Variants in CRYBA4 observed in about 807,000 individuals in gnomAD.
CRYBA4 encodes the protein crystallin beta A4, also known as beta-crystallin A4.
Under a neutral mutation model 31.7 loss-of-function variants are expected in CRYBA4, and 30 were observed. The observed-to-expected ratio is 0.95, with a 90% CI of 0.71 to 1.28. The LOEUF is 1.28. Among genes scored for constraint, CRYBA4 ranks in the 50% most tolerant of loss-of-function variants. CRYBA4 has a pLI of 0.00. For synonymous variants in CRYBA4, 102 were observed against 102.3 expected (o/e 1.00, Z 0.02); for missense variants, 225 against 260.7 (o/e 0.86, Z 0.94).
At chr22:26,629,749 A>AAAAAAAAAAAAAAAAT in intron 5 of CRYBA4, among the ~76,000 whole-genome samples, 1 of 151,144 alleles carries the variant, frequency 6.6e-6, no homozygotes, top group Non-Finnish European at 1.5e-5. Context: ...AAAAAAAAAA[A>AAAAAAAAAAAAAAAAT]AAAAAAATCA....
the CRYBA4 span, among the ~76,000 whole-genome samples, chr22:26,591,964 C>T: frequency 6.6e-6 from 1 of 150,940 alleles, no homozygotes; most frequent in South Asian, 2.1e-4. Context: ...GTAATTTGCC[C>T]ATGGCCAGCC....
chr22:26,615,208 A>G, the CRYBA4 span, among the ~76,000 whole-genome samples: 2 of 152,228 alleles, frequency 1.3e-5, no homozygotes, highest in Non-Finnish European at 2.9e-5. Flanking sequence ...GGTTGAAACC[A>G]CACCAAACCA....
chr22:26,601,426 C>A, the CRYBA4 span, among the ~76,000 whole-genome samples: 1 of 152,012 alleles, frequency 6.6e-6, no homozygotes, highest in African/African-American at 2.4e-5. Context: ...TAGGCTCACT[C>A]GAGTTCCTCA....
the CRYBA4 span, among the ~76,000 whole-genome samples, chr22:26,615,904 G>A: frequency 6.6e-6 from 1 of 152,318 alleles, no homozygotes; most frequent in East Asian, 1.9e-4. Flanking sequence ...GAGGAGGGAG[G>A]AGGAGGCCAA....
the CRYBA4 span, among the ~76,000 whole-genome samples, chr22:26,593,162 C>T: frequency 6.6e-6 from 1 of 152,232 alleles, no homozygotes; most frequent in Non-Finnish European, 1.5e-5. Flanking sequence ...GATACCTCTT[C>T]TGTCTTCCTC....
chr22:26,597,288 A>G, the CRYBA4 span, among the ~76,000 whole-genome samples: 3 of 152,160 alleles, frequency 2.0e-5, no homozygotes, highest in African/African-American at 7.2e-5. Context: ...GGGGCCCACC[A>G]CAACTCTCTC....
chr22:26,601,190 AC>A, the CRYBA4 span, among the ~76,000 whole-genome samples: 3 of 152,158 alleles, frequency 2.0e-5, no homozygotes, highest in Non-Finnish European at 4.4e-5. Flanking sequence ...CCTTACGTTT[AC>A]CTAGAGGAGA....
the CRYBA4 span, among the ~76,000 whole-genome samples, chr22:26,592,303 A>G: frequency 6.6e-6 from 1 of 152,224 alleles, no homozygotes. Flanking sequence ...TGAGCTCTCT[A>G]TGCTAGGCAC....
intron 3 of CRYBA4, 117 bp downstream of exon 3, chr22:26,623,469 C>G: frequency 1.3e-6 from 1 of 794,848 alleles, no homozygotes; most frequent in East Asian, 2.5e-5. Context: ...ACTGTTGTGC[C>G]CTCCTGAAGT....
chr22:26,593,373 C>T, the CRYBA4 span, among the ~76,000 whole-genome samples: 4 of 152,068 alleles, frequency 2.6e-5, no homozygotes. Context: ...CTCAATGGCT[C>T]ACTCCTGTAA....
At chr22:26,623,824 CAG>C (rs1238937172) in intron 3 of CRYBA4, among the ~76,000 whole-genome samples, 4 of 151,164 alleles carry the variant, frequency 2.6e-5, no homozygotes, top group Admixed American at 6.6e-5. Flanking sequence ...TAGTGAGACA[CAG>C]AGAGGTGTTA....
chr22:26,612,750 G>C, the CRYBA4 span, among the ~76,000 whole-genome samples: 227 of 152,280 alleles, frequency 1.5e-3, 1 homozygote, highest in African/African-American at 5.0e-3. Flanking sequence ...TGCCTGGAAT[G>C]CCTTCTCCAC....
chr22:26,612,828 T>G, the CRYBA4 span, among the ~76,000 whole-genome samples: 1 of 152,222 alleles, frequency 6.6e-6, no homozygotes, highest in East Asian at 1.9e-4. Context: ...CAGCTCGTTA[T>G]TCTGTTTTAG....
upstream of CRYBA4, among the ~76,000 whole-genome samples, chr22:26,619,357 C>T (rs960541315): frequency 2.6e-5 from 4 of 152,112 alleles, no homozygotes; most frequent in Non-Finnish European, 2.9e-5. Flanking sequence ...GCCCAATCCT[C>T]CCATTTCACA....
the CRYBA4 span, among the ~76,000 whole-genome samples, chr22:26,602,435 T>A: frequency 6.6e-6 from 1 of 151,878 alleles, no homozygotes; most frequent in Non-Finnish European, 1.5e-5. Context: ...AATAATTTTT[T>A]TTTTAATTTG....
At chr22:26,630,118 T>C (rs1417093120) in intron 5 of CRYBA4, among the ~76,000 whole-genome samples, 2 of 152,138 alleles carry the variant, frequency 1.3e-5, no homozygotes, top group Non-Finnish European at 2.9e-5. Context: ...GAAGGACAAA[T>C]ACAACTTGTC....
chr22:26,601,586 C>T, the CRYBA4 span, among the ~76,000 whole-genome samples: 1 of 143,536 alleles, frequency 7.0e-6, no homozygotes, highest in Non-Finnish European at 1.5e-5. Context: ...AGCGCCGGCC[C>T]TTTTAGTTGA....
At chr22:26,612,918 C>T in the CRYBA4 span, among the ~76,000 whole-genome samples, 5 of 152,166 alleles carry the variant, frequency 3.3e-5, no homozygotes, top group African/African-American at 1.2e-4. Context: ...CCCCCACTGT[C>T]CTCTCCCCAT....
chr22:26,615,132 C>A, the CRYBA4 span, among the ~76,000 whole-genome samples: 1 of 152,204 alleles, frequency 6.6e-6, no homozygotes, highest in Non-Finnish European at 1.5e-5. Flanking sequence ...AAACCTGCCA[C>A]GCACTGACCA....
Sources: gnomAD v4.1 joint callset for allele counts (sites outside exome capture counted in the v4.1 genomes callset) on GRCh38, gnomAD v4.1.1 for gene constraint, MANE v1.5 for transcripts, NCBI Gene and HGNC (gene_info 2026-07-23, HGNC 2026-07-21) for gene names.